The following CD34 variants were observed in gnomAD, a reference collection of about 807,000 sequenced individuals.
CD34 encodes hematopoietic progenitor cell antigen CD34.
CD34 carries 34 observed loss-of-function variants against 40.1 expected under a neutral mutation model. That is an observed-to-expected ratio of 0.85 (90% CI 0.65 to 1.13). The LOEUF is 1.13. Ranked by LOEUF, CD34 falls within the 50% of genes most tolerant of loss-of-function variation. The probability of loss-of-function intolerance (pLI) is 0.00; values close to 1 mark genes in which losing one functional copy is unlikely to be tolerated. For synonymous variants in CD34, 209 were observed against 190.0 expected, an observed-to-expected ratio of 1.10 and a Z score of -0.82; for missense variants, 426 against 466.9, an observed-to-expected ratio of 0.91 and a Z score of 0.81.
At position 207,911,081 on chromosome 1, in the gene CD34, C is replaced by T; in HGVS notation, c.-1G>A. On this transcript the variant is annotated 5_prime_UTR_variant, in exon 1 of 8. Coordinates refer to ENST00000310833, the MANE Select transcript of CD34 (RefSeq NM_001025109.2). ...CGCGCGCGCCCCTGCGGACCAGCAT[C>T]CTTCCCGCGCGGCTCCTAGAGAGAC... The T allele has an allele frequency of 1.3e-6, 2 of 1,575,910 alleles. No individual in the cohort carries two copies. The highest frequency in any genetic ancestry group is 1.3e-5 in the African/African-American group (1 of 74,352).
chr1:207,909,964 G>A (rs978808834), intron 1 of CD34, among the ~76,000 whole-genome samples: 4 of 152,238 alleles, frequency 2.6e-5, no homozygotes, highest in South Asian at 2.1e-4. Flanking sequence ...CCCTTAGGAT[G>A]TAGTGAGAGT....
At chr1:207,891,378 G>C (rs948178395) in intron 4 of CD34, among the ~76,000 whole-genome samples, 1 of 152,062 alleles carries the variant, frequency 6.6e-6, no homozygotes, top group Non-Finnish European at 1.5e-5. Flanking sequence ...TTGCATGTAC[G>C]GCAATTAAAA....
chr1:207,895,602 G>T (rs1250420505), intron 4 of CD34, among the ~76,000 whole-genome samples: 1 of 152,196 alleles, frequency 6.6e-6, no homozygotes, highest in Non-Finnish European at 1.5e-5. Context: ...GAGTTAGGAG[G>T]AATTATTTCT....
chr1:207,901,701 T>C (rs886294933), intron 1 of CD34, among the ~76,000 whole-genome samples: 7 of 152,212 alleles, frequency 4.6e-5, no homozygotes, highest in Admixed American at 1.3e-4. Flanking sequence ...ATAGAAGATA[T>C]TTTATTAGTT....
chr1:207,907,302 C>T (rs1309389431), intron 1 of CD34, among the ~76,000 whole-genome samples: 1 of 152,192 alleles, frequency 6.6e-6, no homozygotes, highest in East Asian at 1.9e-4. Context: ...TGACTCCAGG[C>T]ACCTCTCCAC....
intron 4 of CD34, among the ~76,000 whole-genome samples, chr1:207,891,444 G>C (rs1662035024): frequency 6.6e-6 from 1 of 152,136 alleles, no homozygotes; most frequent in Non-Finnish European, 1.5e-5. Flanking sequence ...CACTTTGGGA[G>C]GCTGAGGTGG....
chr1:207,888,053 C>A (rs368265367), intron 7 of CD34, 130 bp from the exon 8 acceptor site: 18 of 1,608,614 alleles, frequency 1.1e-5, no homozygotes, highest in Non-Finnish European at 1.5e-5. Context: ...GAGGAAGGAT[C>A]GGAGGGAGGG....
At chr1:207,909,494 C>T (rs564136132) in intron 1 of CD34, among the ~76,000 whole-genome samples, 6 of 152,090 alleles carry the variant, frequency 3.9e-5, no homozygotes, top group East Asian at 1.9e-4. Context: ...CTGCAACCTC[C>T]GCCTCCTGGG....
intron 1 of CD34, among the ~76,000 whole-genome samples, chr1:207,901,209 T>A (rs930479703): frequency 6.6e-6 from 1 of 152,212 alleles, no homozygotes; most frequent in Non-Finnish European, 1.5e-5. Context: ...GCTTCTTGAC[T>A]GAACCCTATG....
In CD34 at chr1:207,889,599, C is replaced by A; in HGVS notation, c.620G>T (p.Gly207Val). 6.2e-7 allele frequency: 1 copy of A among 1,612,776 alleles called. No individual in the cohort carries two copies. The highest frequency in any genetic ancestry group is 8.5e-7 in the Non-Finnish European group (1 of 1,179,506). Residue 207 changes from glycine to valine, a missense_variant, in exon 5 of 8, where the codon GGA (glycine) becomes GTA (valine). Gly to Val is a moderately radical substitution (Grantham distance 109). Transcript: ENST00000310833. ...SSCAEFKKDR[G>V]EGLARVLCGE... ...ACACAGCACTCGGGCCAGGCCCTCT[C>A]CCCTGTCCTTCTTAAACTCCGCCTG...
At chr1:207,897,394 T>C (rs1345392671) in intron 4 of CD34, 99 bp downstream of exon 4, 2 of 896,450 alleles carry the variant, frequency 2.2e-6, no homozygotes, top group Non-Finnish European at 3.6e-6. Flanking sequence ...GGACCCCTAC[T>C]CAAATCCAGT....
Position 207,890,304 on chromosome 1 carries a change from A to G in CD34, c.598-683T>C, listed in dbSNP as rs572841630. 589 of 900,566 alleles carry G rather than the reference A, an allele frequency of 6.5e-4. 6 individuals carry two copies. The African/African-American group carries it at 9.5e-3, about 15-fold the overall frequency. The allele number at this position is 900,566 out of a possible 1,614,324, so 55.8% of individuals were successfully genotyped here. A position where few individuals can be genotyped will look rare whatever the true frequency, so the allele number is the denominator to read the frequency against. ...TCTGATAATTCTTCAATAGTGAGTC[A>G]GAATTTATTCCAGCAGCCTCCAATC... On this transcript the variant is annotated intron_variant, in intron 4 of 7. Transcript: ENST00000310833.
At chr1:207,889,363 C>A in intron 5 of CD34, 102 bp downstream of exon 5, 1 of 1,529,332 alleles carries the variant, frequency 6.5e-7, no homozygotes, top group Non-Finnish European at 8.9e-7. Context: ...TTCTCCCCAG[C>A]ACCTGTGGTC....
intron 1 of CD34, among the ~76,000 whole-genome samples, chr1:207,908,618 G>T (rs1480373090): frequency 3.3e-5 from 5 of 152,214 alleles, no homozygotes. Context: ...GTGAGGATAG[G>T]GACAGGCCTT....
At chr1:207,903,410 G>C (rs1329887948) in intron 1 of CD34, among the ~76,000 whole-genome samples, 1 of 152,098 alleles carries the variant, frequency 6.6e-6, no homozygotes, top group African/African-American at 2.4e-5. Context: ...TTCTAGATGG[G>C]AGGAACGGTC....
chr1:207,898,754 A>C (rs1303707573), intron 3 of CD34, among the ~76,000 whole-genome samples: 1 of 152,210 alleles, frequency 6.6e-6, no homozygotes. Flanking sequence ...CCTAAAATGC[A>C]ATACCCAAAG....
rs538393186 is a variant in CD34 at position 207,884,584 on chromosome 1, T to A, written c.*3154A>T. Reference sequence around the variant, plus strand: ...TCGATGACCTATTACTGGTTTTGTGTGAAGAGGAAGTGTGGGATTAATCTA... The same window carrying A: ...TCGATGACCTATTACTGGTTTTGTGAGAAGAGGAAGTGTGGGATTAATCTA... On this transcript the variant is annotated 3_prime_UTR_variant, in exon 8 of 8. Transcript: ENST00000310833. 1 of 152,318 alleles carries A rather than the reference T, an allele frequency of 6.6e-6. No homozygotes were observed. Among genetic ancestry groups the A allele is most frequent in the South Asian group, 2.1e-4 (1 of 4,826 alleles). 9.4% of individuals were successfully genotyped at this position (152,318 alleles called of 1,614,324 possible).
At chr1:207,899,732 G>T (rs1168911805) in intron 2 of CD34, 89 bp downstream of exon 2, 6 of 1,165,536 alleles carry the variant, frequency 5.1e-6, no homozygotes, top group East Asian at 4.8e-5. Context: ...TTTCCTCTGT[G>T]GAGAGGGGAG....
At chr1:207,898,831 A>T in intron 3 of CD34, 142 bp downstream of exon 3, 1 of 887,028 alleles carries the variant, frequency 1.1e-6, no homozygotes, top group Non-Finnish European at 1.8e-6. Flanking sequence ...AGCAATATTT[A>T]AACTGTGTAT....
Sources: gnomAD v4.1 joint callset for allele counts (sites outside exome capture counted in the v4.1 genomes callset) on GRCh38, gnomAD v4.1.1 for gene constraint, MANE v1.5 for transcripts, NCBI Gene and HGNC (gene_info 2026-07-23, HGNC 2026-07-21) for gene names.